Variants in GPM6A observed in about 807,000 individuals in gnomAD.
GPM6A encodes the protein glycoprotein M6A, also known as neuronal membrane glycoprotein M6-a.
GPM6A carries 7 observed loss-of-function variants against 32.1 expected under a neutral mutation model. That is an observed-to-expected ratio of 0.22 (90% CI 0.12 to 0.41). The LOEUF (loss-of-function observed/expected upper bound fraction) is 0.41. Among genes scored for constraint, GPM6A ranks in the 10% least tolerant of loss-of-function variants. The pLI, the probability that GPM6A is intolerant of heterozygous loss-of-function variation, is 1.00. For missense variants in GPM6A, 235 were observed against 347.2 expected (o/e 0.68, Z 2.57); for synonymous variants, 130 against 123.4 (o/e 1.05, Z -0.35).
At chr4:175,794,725 G>A (rs1734150101) in intron 1 of GPM6A, among the ~76,000 whole-genome samples, 1 of 152,152 alleles carries the variant, frequency 6.6e-6, no homozygotes, top group Non-Finnish European at 1.5e-5. Context: ...TAAGAAAGAA[G>A]ATGGAAAATA....
intron 1 of GPM6A, among the ~76,000 whole-genome samples, chr4:175,979,497 G>T (rs901399474): frequency 5.9e-5 from 9 of 152,126 alleles, no homozygotes. Context: ...TGTGGTGTTT[G>T]GTTTTTTGTC....
chr4:175,674,480 T>C (rs975775055), intron 2 of GPM6A, among the ~76,000 whole-genome samples: 1 of 152,156 alleles, frequency 6.6e-6, no homozygotes, highest in African/African-American at 2.4e-5. Context: ...GGCCTATTCA[T>C]TTGTTAAGTA....
intron 1 of GPM6A, among the ~76,000 whole-genome samples, chr4:175,841,573 T>C (rs1418107012): frequency 6.6e-6 from 1 of 152,194 alleles, no homozygotes; most frequent in Non-Finnish European, 1.5e-5. Context: ...GAAAATCTTA[T>C]TTCCATGACA....
At chr4:175,782,129 A>T (rs971147751) in intron 1 of GPM6A, among the ~76,000 whole-genome samples, 6 of 152,152 alleles carry the variant, frequency 3.9e-5, no homozygotes, top group Non-Finnish European at 7.4e-5. Context: ...CATTGTTATT[A>T]TTATCAGTTT....
chr4:175,642,360 T>C (rs2110890016), intron 4 of GPM6A, among the ~76,000 whole-genome samples: 1 of 152,320 alleles, frequency 6.6e-6, no homozygotes, highest in African/African-American at 2.4e-5. Context: ...CTTATTCATT[T>C]CTCAATTCAT....
intron 2 of GPM6A, among the ~76,000 whole-genome samples, chr4:175,682,175 C>T (rs1390666200): frequency 1.3e-5 from 2 of 152,124 alleles, no homozygotes; most frequent in East Asian, 3.9e-4. Context: ...TTGTCCATGT[C>T]CTAGGCCTCT....
intron 4 of GPM6A, among the ~76,000 whole-genome samples, chr4:175,647,354 G>A (rs1263966404): frequency 3.3e-5 from 5 of 152,104 alleles, no homozygotes. Context: ...CAATGTAATT[G>A]AATCACAGAA....
intron 1 of GPM6A, among the ~76,000 whole-genome samples, chr4:175,900,596 G>T (rs894046958): frequency 1.3e-5 from 2 of 152,014 alleles, no homozygotes; most frequent in Non-Finnish European, 2.9e-5. Flanking sequence ...AGTTAAAATG[G>T]CTTTTATCCA....
At chr4:175,932,453 C>T (rs1230958984) in intron 1 of GPM6A, among the ~76,000 whole-genome samples, 2 of 152,172 alleles carry the variant, frequency 1.3e-5, no homozygotes, top group Non-Finnish European at 2.9e-5. Context: ...GCCTTGATCT[C>T]GGACTTTCCA....
upstream of GPM6A, among the ~76,000 whole-genome samples, chr4:175,813,759 C>G (rs570665505): frequency 1.1e-4 from 16 of 152,302 alleles, no homozygotes; most frequent in African/African-American, 3.8e-4. Context: ...ATTACAAAAG[C>G]AGCTATTTAG....
intron 1 of GPM6A, among the ~76,000 whole-genome samples, chr4:175,764,925 G>T (rs1249380694): frequency 6.6e-6 from 1 of 151,070 alleles, no homozygotes; most frequent in Admixed American, 6.6e-5. Flanking sequence ...CCAGGCTGGA[G>T]TGCAATGGCG....
intron 1 of GPM6A, among the ~76,000 whole-genome samples, chr4:175,944,835 A>G (rs1739535559): frequency 6.6e-6 from 1 of 152,234 alleles, no homozygotes; most frequent in Non-Finnish European, 1.5e-5. Context: ...CACTATTCCT[A>G]ATAATGCGTT....
At chr4:175,734,363 T>C (rs968402816) in intron 1 of GPM6A, among the ~76,000 whole-genome samples, 2 of 151,994 alleles carry the variant, frequency 1.3e-5, no homozygotes, top group Non-Finnish European at 2.9e-5. Context: ...ACTCAGTGGA[T>C]CTCTGTGCAA....
At chr4:175,899,816 T>G (rs1737899215) in intron 1 of GPM6A, among the ~76,000 whole-genome samples, 2 of 151,784 alleles carry the variant, frequency 1.3e-5, no homozygotes, top group Non-Finnish European at 2.9e-5. Context: ...CTCAGCAAAA[T>G]TTCTTGAGCA....
At chr4:175,771,344 C>A (rs1159171597) in intron 1 of GPM6A, among the ~76,000 whole-genome samples, 1 of 151,920 alleles carries the variant, frequency 6.6e-6, no homozygotes, top group African/African-American at 2.4e-5. Context: ...GAGGCCGAGA[C>A]AGGGGGATCA....
intron 1 of GPM6A, among the ~76,000 whole-genome samples, chr4:175,795,008 A>ATTT (rs1734162063): frequency 6.6e-6 from 1 of 152,242 alleles, no homozygotes; most frequent in Admixed American, 6.5e-5. Flanking sequence ...AATAAAGACA[A>ATTT]CCTCAATAGC....
At chr4:175,777,842 TA>T (rs1553988386) in intron 1 of GPM6A, among the ~76,000 whole-genome samples, 1 of 152,172 alleles carries the variant, frequency 6.6e-6, no homozygotes, top group Non-Finnish European at 1.5e-5. Flanking sequence ...AAATAACTAA[TA>T]AAAAATTTTT....
chr4:175,844,112 G>A (rs998785389), intron 1 of GPM6A, among the ~76,000 whole-genome samples: 1 of 152,214 alleles, frequency 6.6e-6, no homozygotes, highest in Admixed American at 6.5e-5. Flanking sequence ...AGTTCTCTTT[G>A]TTGTATCCAG....
intron 1 of GPM6A, among the ~76,000 whole-genome samples, chr4:175,830,638 AG>A (rs1194986766): frequency 6.6e-6 from 1 of 152,214 alleles, no homozygotes; most frequent in African/African-American, 2.4e-5. Context: ...TGAGATTCAA[AG>A]CAAGTAGGTT....
Sources: gnomAD v4.1 joint callset for allele counts (sites outside exome capture counted in the v4.1 genomes callset) on GRCh38, gnomAD v4.1.1 for gene constraint, MANE v1.5 for transcripts, NCBI Gene and HGNC (gene_info 2026-07-23, HGNC 2026-07-21) for gene names.